The following SP140 variants were observed in gnomAD, a reference collection of about 807,000 sequenced individuals.
SP140 encodes the protein nuclear body protein SP140.
Under a neutral mutation model 125.0 loss-of-function variants are expected in SP140, and 81 were observed. That is an observed-to-expected ratio of 0.65 (90% confidence interval 0.54 to 0.78). The LOEUF is 0.78. Ranked by LOEUF, SP140 falls within the 30% of genes least tolerant of loss-of-function variation. The probability of loss-of-function intolerance (pLI) is 0.00; values close to 1 mark genes in which losing one functional copy is unlikely to be tolerated. For synonymous variants in SP140, 312 were observed against 354.0 expected, an observed-to-expected ratio of 0.88 and a Z score of 1.33; for missense variants, 858 against 1,037.0, an observed-to-expected ratio of 0.83 and a Z score of 2.37.
upstream of SP140, among the ~76,000 whole-genome samples, chr2:230,224,158 C>T (rs558890352): frequency 6.6e-6 from 1 of 152,282 alleles, no homozygotes; most frequent in African/African-American, 2.4e-5. Flanking sequence ...GCAGCAGTAC[C>T]CCTGAAGTAC....
intron 1 of SP140, among the ~76,000 whole-genome samples, chr2:230,212,159 G>C (rs2044558214): frequency 1.3e-5 from 2 of 152,222 alleles, no homozygotes; most frequent in Non-Finnish European, 2.9e-5. Flanking sequence ...TGTCAATTCA[G>C]AATGGTGTTT....
At chr2:230,189,153 C>A in the SP140 span, among the ~76,000 whole-genome samples, 1 of 151,862 alleles carries the variant, frequency 6.6e-6, no homozygotes, top group East Asian at 1.9e-4. Context: ...TTCAAAGAAC[C>A]AGCTTTTTGT....
chr2:230,204,605 A>T (rs1283726931), intron 1 of SP140, among the ~76,000 whole-genome samples: 3 of 150,292 alleles, frequency 2.0e-5, no homozygotes, highest in Admixed American at 1.3e-4. Context: ...GGTTTCTTTC[A>T]TTTTTTTTTC....
intron 22 of SP140, among the ~76,000 whole-genome samples, chr2:230,306,953 G>A (rs934324127): frequency 1.3e-5 from 2 of 152,192 alleles, no homozygotes; most frequent in African/African-American, 4.8e-5. Flanking sequence ...GACCAGAGTG[G>A]GAACTTGTAA....
Position 230,211,434 on chromosome 2 carries a change from A to G in SP140, c.-322-2220A>G. On this transcript the variant is annotated intron_variant, in intron 1 of 4. Coordinates refer to the SP140 transcript ENST00000456542. This position sits in a 1 kb window ranked among gnomAD's most constrained non-coding sequence, Gnocchi z 4.2. ...TTTTCCTCTTAGTAAACACAGAAAC[A>G]AAGGCAAGCTTTTAGGTTGACCAAA... 4 of 1,326,150 alleles carry G rather than the reference A, an allele frequency of 3.0e-6. No homozygotes were observed. The highest frequency in any genetic ancestry group is 4.4e-6 in the Non-Finnish European group (4 of 917,236). 82.1% of individuals were successfully genotyped at this position (1,326,150 alleles called of 1,614,324 possible). A position where few individuals can be genotyped will look rare whatever the true frequency, so the allele number is the denominator to read the frequency against.
downstream of SP140, among the ~76,000 whole-genome samples, chr2:230,315,514 G>A (rs557090063): frequency 1.2e-4 from 19 of 152,144 alleles, no homozygotes; most frequent in South Asian, 1.9e-3. Context: ...CCCAGCAATC[G>A]TTTCCCCTCT....
In SP140 at chr2:230,290,491, T is replaced by C; in HGVS notation, c.1752T>C (p.Asp584=). Residue 584 remains aspartate, a synonymous_variant, in exon 19 of 27, where the codon GAT becomes GAC. Transcript: ENST00000392045. ...ASRKHKDETV[D]FKAPLLPVTC... is the part of the protein sequence containing the mutation. ...GAAAGCACAAAGATGAAACTGTGGA[T>C]TTTAAGGCTCCTTTGCTTCCAGTGA... is the stretch of plus-strand genomic sequence containing the variant. 6.2e-7 allele frequency: 1 copy of C among 1,613,828 alleles called. No individual in the cohort carries two copies. Among genetic ancestry groups the C allele is most frequent in the Non-Finnish European group, 8.5e-7 (1 of 1,179,926 alleles).
chr2:230,231,994 C>T (rs1014156828), intron 1 of SP140, among the ~76,000 whole-genome samples: 2 of 152,146 alleles, frequency 1.3e-5, no homozygotes, highest in African/African-American at 4.8e-5. Flanking sequence ...CAGGTGTGAG[C>T]CACCGTGCCC....
chr2:230,210,202 AG>A (rs2044312189), intron 1 of SP140, among the ~76,000 whole-genome samples: 1 of 152,218 alleles, frequency 6.6e-6, no homozygotes, highest in Non-Finnish European at 1.5e-5. Context: ...CGACCATCAC[AG>A]GGAACTAGGG....
chr2:230,194,703 A>G, the SP140 span, among the ~76,000 whole-genome samples: 1 of 152,188 alleles, frequency 6.6e-6, no homozygotes, highest in Non-Finnish European at 1.5e-5. Context: ...TGGAACTGAA[A>G]GTCTGAATCC....
intron 1 of SP140, among the ~76,000 whole-genome samples, chr2:230,210,743 C>T (rs1451457021): frequency 6.6e-6 from 1 of 152,194 alleles, no homozygotes; most frequent in Non-Finnish European, 1.5e-5. Flanking sequence ...TTTTTCTTTA[C>T]ACACTGCATT....
chr2:230,245,869 G>A lies in SP140; in HGVS notation c.671G>A (p.Cys224Tyr). 6.2e-7 allele frequency: 1 copy of A among 1,603,186 alleles called. No homozygotes were observed. The highest frequency in any genetic ancestry group is 8.5e-7 in the Non-Finnish European group (1 of 1,170,132). Residue 224 changes from cysteine to tyrosine, a missense_variant, in exon 7 of 27, where the codon TGT (cysteine) becomes TAT (tyrosine). Physicochemically the swap from Cys to Tyr is radical, Grantham distance 194. This residue lies in a region of SP140 where 791 missense variants were observed against 869.5 expected (regional missense o/e 0.91). Coordinates refer to ENST00000392045, the MANE Select transcript of SP140 (RefSeq NM_007237.5). ...TTCCTCTTTCACTCTGCAGTGTCCT[G>A]TAAACTTGCTATACAAATAGATGAA... ...PSLLPGGGVS[C>Y]KLAIQIDEGE...
intron 22 of SP140, among the ~76,000 whole-genome samples, chr2:230,307,952 CATGTATATATATATATATATATATAT>C (rs1338426338): frequency 4.2e-5 from 2 of 48,066 alleles, no homozygotes; most frequent in Non-Finnish European, 9.5e-5. Context: ...CTTGGACATG[CATGTATATATATATATATATATATAT>C]ATATATATAT....
intron 12 of SP140, among the ~76,000 whole-genome samples, chr2:230,260,774 G>A (rs553655104): frequency 2.6e-5 from 4 of 152,270 alleles, no homozygotes; most frequent in African/African-American, 7.2e-5. Flanking sequence ...TTACTTCTGG[G>A]TTCTCTGTTC....
rs2044286138 is a variant in SP140 at position 230,209,946 on chromosome 2, G to T, written c.-322-3708G>T. The T allele has an allele frequency of 1.9e-6, 3 of 1,602,226 alleles. No individual in the cohort carries two copies. In the Admixed American group the frequency reaches 5.0e-5, roughly 27 times the overall value. Reference sequence around the variant, plus strand: ...CTTTTCTTACCTTTCTTGTCTGAAGGTGTGCTGGACACCTCCTGGGGCTCT... The same window carrying T: ...CTTTTCTTACCTTTCTTGTCTGAAGTTGTGCTGGACACCTCCTGGGGCTCT... On this transcript the variant is annotated intron_variant, in intron 1 of 4. Transcript: ENST00000456542.
chr2:230,270,541 T>C, intron 14 of SP140, 45 bp from the exon 15 acceptor site: 3 of 1,537,616 alleles, frequency 2.0e-6, no homozygotes, highest in Non-Finnish European at 2.7e-6. Flanking sequence ...CTATAACTTT[T>C]ATTTATTAAT....
At chr2:230,255,311 G>T in intron 11 of SP140, 141 bp from the exon 12 acceptor site, 1 of 874,980 alleles carries the variant, frequency 1.1e-6, no homozygotes, top group Non-Finnish European at 1.8e-6. Context: ...TGAACCCACA[G>T]GGCAGACCAG....
At chr2:230,208,280 C>T (rs1375915310) in intron 1 of SP140, among the ~76,000 whole-genome samples, 1 of 152,088 alleles carries the variant, frequency 6.6e-6, no homozygotes, top group Non-Finnish European at 1.5e-5. Context: ...TTAGGTAGCT[C>T]ATTTCTAGAA....
intron 18 of SP140, among the ~76,000 whole-genome samples, chr2:230,289,082 C>T (rs2056820188): frequency 6.6e-6 from 1 of 152,204 alleles, no homozygotes; most frequent in Non-Finnish European, 1.5e-5. Context: ...ACACTGCAAC[C>T]AACAGTGTTA....
Sources: gnomAD v4.1 joint callset for allele counts (sites outside exome capture counted in the v4.1 genomes callset) on GRCh38, gnomAD v4.1.1 for gene constraint, gnomAD v4.1.1 regional missense constraint, Gnocchi (gnomAD v3.1) non-coding constraint, MANE v1.5 for transcripts, NCBI Gene and HGNC (gene_info 2026-07-23, HGNC 2026-07-21) for gene names.